The following PRRC2C variants were observed in gnomAD, a reference collection of about 807,000 sequenced individuals.
The protein encoded by PRRC2C is protein PRRC2C.
Under a neutral mutation model 317.2 loss-of-function variants are expected in PRRC2C, and 72 were observed. That is an observed-to-expected ratio of 0.23 (90% confidence interval 0.19 to 0.28). PRRC2C has a LOEUF of 0.28. Among genes scored for constraint, PRRC2C ranks in the 10% least tolerant of loss-of-function variants. The pLI is 1.00. For missense variants in PRRC2C, 3,074 were observed against 3,459.7 expected (o/e 0.89, Z 2.80); for synonymous variants, 1,296 against 1,205.9 (o/e 1.07, Z -1.55).
chr1:171,576,732 G>A (rs1193920603), intron 25 of PRRC2C, among the ~76,000 whole-genome samples: 2 of 151,880 alleles, frequency 1.3e-5, no homozygotes, highest in Non-Finnish European at 2.9e-5. Flanking sequence ...TTGCTCTGTC[G>A]CTCAGGCTGG....
At chr1:171,491,704 A>G (rs1303284615) in intron 1 of PRRC2C, among the ~76,000 whole-genome samples, 1 of 152,212 alleles carries the variant, frequency 6.6e-6, no homozygotes, top group Non-Finnish European at 1.5e-5. Context: ...TGTACTTTAA[A>G]GATCTGTATT....
rs367617242 is a variant in PRRC2C, at chr1:171,498,876, A to G, written c.-58+13141A>G. On this transcript the variant is annotated intron_variant, in intron 1 of 34. Coordinates refer to ENST00000647382, the MANE Select transcript of PRRC2C (RefSeq NM_001387844.1). ...TGCCCAGCAGTTGCGATCATCGCTC[A>G]CTGCAGCCTGGAACTCCTGGGTTCA... Among the ~76,000 whole-genome samples, 8 of 152,268 alleles carry G rather than the reference A, an allele frequency of 5.3e-5. No homozygotes were observed. In the East Asian group the frequency reaches 1.5e-3, roughly 29 times the overall value.
chr1:171,537,212 C>A, intron 14 of PRRC2C, 51 bp from the exon 15 acceptor site: 1 of 1,358,204 alleles, frequency 7.4e-7, no homozygotes, highest in Non-Finnish European at 1.0e-6. Flanking sequence ...GGTTTTGTTT[C>A]GTTCATTTTT....
At chr1:171,528,815 A>C (rs998568007) in intron 11 of PRRC2C, among the ~76,000 whole-genome samples, 4 of 151,626 alleles carry the variant, frequency 2.6e-5, no homozygotes, top group Non-Finnish European at 4.4e-5. Flanking sequence ...TCTTTTGTAT[A>C]TGCATATATT....
intron 11 of PRRC2C, among the ~76,000 whole-genome samples, chr1:171,528,961 C>T (rs973222095): frequency 3.9e-5 from 6 of 152,092 alleles, no homozygotes; most frequent in Admixed American, 1.3e-4. Context: ...CACACCACCA[C>T]GCCAGGCTAA....
chr1:171,511,351 A>G (rs960666972), intron 1 of PRRC2C: 1 of 152,216 alleles, frequency 6.6e-6, no homozygotes, highest in Non-Finnish European at 1.5e-5. Context: ...AGCTCTAAAG[A>G]TGAGGATTCT....
Position 171,512,066 on chromosome 1 carries a change from G to C in PRRC2C, c.-23G>C, listed in dbSNP as rs1440624955. 2 of 1,454,890 alleles carry C rather than the reference G, an allele frequency of 1.4e-6. No homozygotes were observed. The highest frequency in any genetic ancestry group is 2.5e-5 in the South Asian group (2 of 80,452). The allele number at this position is 1,454,890 out of a possible 1,614,324, so 90.1% of individuals were successfully genotyped here. A position where few individuals can be genotyped will look rare whatever the true frequency, so the allele number is the denominator to read the frequency against. On this transcript the variant is annotated 5_prime_UTR_variant, in exon 2 of 35. Coordinates refer to ENST00000647382, the MANE Select transcript of PRRC2C (RefSeq NM_001387844.1). ...TTTAAGGGGTGTGGCAGGAGGTTTT[G>C]GACTCGATGAGTTTCCACCGAAATG...
In PRRC2C at chr1:171,557,979, C is replaced by T; in HGVS notation, c.5867C>T (p.Pro1956Leu). ...LQTTSQSSKQ[P>L]PPSIRLPSAQ... ...ACTACATCTCAGTCTTCAAAACAAC[C>T]ACCACCATCAATTAGGCTGCCTTCA... is the stretch of plus-strand genomic sequence containing the variant. Residue 1956 changes from proline to leucine, a missense_variant, in exon 19 of 35, where the codon CCA (proline) becomes CTA (leucine). Coordinates refer to ENST00000647382, the MANE Select transcript of PRRC2C (RefSeq NM_001387844.1). The T allele has an allele frequency of 6.2e-7, 1 of 1,613,590 alleles. No individual in the cohort carries two copies. Among genetic ancestry groups the T allele is most frequent in the Non-Finnish European group, 8.5e-7 (1 of 1,179,766 alleles).
intron 18 of PRRC2C, among the ~76,000 whole-genome samples, chr1:171,554,544 T>C (rs1680967369): frequency 6.6e-6 from 1 of 152,238 alleles, no homozygotes; most frequent in South Asian, 2.1e-4. Flanking sequence ...CGTTAATTGA[T>C]GCAGTTTCTT....
intron 14 of PRRC2C, 102 bp downstream of exon 14, chr1:171,536,380 C>T: frequency 3.8e-6 from 5 of 1,303,782 alleles, no homozygotes; most frequent in Non-Finnish European, 5.3e-6. Context: ...AAAACTTAAA[C>T]CTCCGATTTT....
intron 1 of PRRC2C, among the ~76,000 whole-genome samples, chr1:171,491,150 A>C (rs895129117): frequency 6.6e-6 from 1 of 152,232 alleles, no homozygotes; most frequent in Admixed American, 6.5e-5. Context: ...TACGTTCCCT[A>C]TAAGGTTGGA....
chr1:171,587,855 G>C, intron 32 of PRRC2C, 104 bp downstream of exon 32: 1 of 640,998 alleles, frequency 1.6e-6, no homozygotes, highest in Non-Finnish European at 2.6e-6. Context: ...AGCAGAAAAG[G>C]AATTATTAAG....
intron 1 of PRRC2C, among the ~76,000 whole-genome samples, chr1:171,503,266 GTA>G (rs1231167214): frequency 6.6e-6 from 1 of 152,140 alleles, no homozygotes; most frequent in Admixed American, 6.6e-5. Context: ...GCTCACACCT[GTA>G]ATCTCAGCAC....
At chr1:171,578,090 C>T (rs576389466) in intron 26 of PRRC2C, among the ~76,000 whole-genome samples, 3 of 151,700 alleles carry the variant, frequency 2.0e-5, no homozygotes, top group Admixed American at 2.0e-4. Flanking sequence ...GCCACCTCAC[C>T]CAGCCTAAAT....
chr1:171,566,637 C>G lies in PRRC2C; in HGVS notation c.6352C>G (p.Pro2118Ala). The G allele has an allele frequency of 1.2e-6, 2 of 1,603,514 alleles. No individual in the cohort carries two copies. Among genetic ancestry groups the G allele is most frequent in the Non-Finnish European group, 1.7e-6 (2 of 1,174,544 alleles). Residue 2118 changes from proline (P) to alanine (A), a missense_variant, in exon 22 of 35, where the codon CCC (proline) becomes GCC (alanine). Pro to Ala is a conservative substitution (Grantham distance 27). This residue lies in a region of PRRC2C where 640 missense variants were observed against 676.1 expected (regional missense o/e 0.95). Coordinates refer to ENST00000647382, the MANE Select transcript of PRRC2C (RefSeq NM_001387844.1). ...PVENKEHKPG[P>A]IGKERSLKNR... ...AGAAAACAAAGAACACAAACCTGGT[C>G]CCATTGGAAAGGAACGTTCATTAAA...
At chr1:171,507,477 G>A (rs1025058507) in intron 1 of PRRC2C, among the ~76,000 whole-genome samples, 1 of 152,126 alleles carries the variant, frequency 6.6e-6, no homozygotes, top group African/African-American at 2.4e-5. Flanking sequence ...CGGGCATGGT[G>A]GCAGACGCCC....
At chr1:171,551,243 G>T (rs1462062629) in intron 18 of PRRC2C, among the ~76,000 whole-genome samples, 1 of 152,164 alleles carries the variant, frequency 6.6e-6, no homozygotes, top group African/African-American at 2.4e-5. Flanking sequence ...TCATGTGTCT[G>T]CTGGCTGCGT....
intron 31 of PRRC2C, 72 bp from the exon 32 acceptor site, chr1:171,587,576 T>C: frequency 9.5e-7 from 1 of 1,051,570 alleles, no homozygotes; most frequent in Non-Finnish European, 1.4e-6. Context: ...TCTTCACGTA[T>C]AGGACATGTA....
At chr1:171,490,784 G>T (rs1213178358) in intron 1 of PRRC2C, among the ~76,000 whole-genome samples, 1 of 152,310 alleles carries the variant, frequency 6.6e-6, no homozygotes, top group Admixed American at 6.5e-5. Flanking sequence ...AAAGTGGAAG[G>T]TTAAAGGGGG....
Sources: gnomAD v4.1 joint callset for allele counts (sites outside exome capture counted in the v4.1 genomes callset) on GRCh38, gnomAD v4.1.1 for gene constraint, gnomAD v4.1.1 regional missense constraint, MANE v1.5 for transcripts, NCBI Gene and HGNC (gene_info 2026-07-23, HGNC 2026-07-21) for gene names.